PRR16: variants seen among roughly 807,000 people sequenced by gnomAD.
PRR16 encodes the protein protein Largen.
A neutral mutation model predicts 18.2 loss-of-function variants in PRR16; 6 were observed. That is an observed-to-expected ratio of 0.33 (90% CI 0.18 to 0.65). The LOEUF (loss-of-function observed/expected upper bound fraction) is 0.65. Ranked by LOEUF, PRR16 falls within the 30% of genes least tolerant of loss-of-function variation. The pLI is 0.74. For synonymous variants in PRR16, 151 were observed against 147.8 expected (o/e 1.02, Z -0.16); for missense variants, 412 against 376.6 (o/e 1.09, Z -0.78).
intron 1 of PRR16, among the ~76,000 whole-genome samples, chr5:120,669,568 C>T (rs1253088091): frequency 6.6e-6 from 1 of 151,828 alleles, no homozygotes; most frequent in East Asian, 1.9e-4. Context: ...ATCATGTGTC[C>T]TAGAGCCCAT....
chr5:120,565,943 G>A (rs974084700), intron 1 of PRR16, among the ~76,000 whole-genome samples: 1 of 152,158 alleles, frequency 6.6e-6, no homozygotes, highest in Non-Finnish European at 1.5e-5. Context: ...TTAGCTTAGT[G>A]TCACACAGAT....
chr5:120,531,871 A>G (rs1188589160), intron 1 of PRR16, among the ~76,000 whole-genome samples: 6 of 152,190 alleles, frequency 3.9e-5, no homozygotes, highest in African/African-American at 2.4e-5. Context: ...CTGCTGAGCT[A>G]TTGTATACTA....
chr5:120,615,777 C>G (rs904195471), intron 1 of PRR16, among the ~76,000 whole-genome samples: 1 of 151,760 alleles, frequency 6.6e-6, no homozygotes, highest in Admixed American at 6.6e-5. Context: ...TTCTGTCATC[C>G]ATGTGTATAT....
the PRR16 span, among the ~76,000 whole-genome samples, chr5:120,754,490 G>GTATATAGTATATATTATATAA: frequency 1.6e-5 from 1 of 63,756 alleles, no homozygotes; most frequent in African/African-American, 6.2e-5. Flanking sequence ...ATAATATATA[G>GTATATAGTATATATTATATAA]TATGTATTTT....
At chr5:120,574,305 T>G (rs1028098264) in intron 1 of PRR16, among the ~76,000 whole-genome samples, 2 of 151,968 alleles carry the variant, frequency 1.3e-5, no homozygotes, top group African/African-American at 2.4e-5. Flanking sequence ...GAATAGCCAC[T>G]TTATAAAGGA....
chr5:120,602,148 C>T (rs576559245), intron 1 of PRR16, among the ~76,000 whole-genome samples: 117 of 152,128 alleles, frequency 7.7e-4, no homozygotes, highest in African/African-American at 2.6e-3. Flanking sequence ...TGTAAATTTA[C>T]ATTGAGTAAT....
chr5:120,633,971 A>G (rs889909919), intron 1 of PRR16, among the ~76,000 whole-genome samples: 2 of 152,168 alleles, frequency 1.3e-5, no homozygotes, highest in African/African-American at 4.8e-5. Context: ...ATTCTACCCA[A>G]CAATTGCAGA....
rs1469392136 is a variant in PRR16, at chr5:120,583,419, G to C, written c.160-102535G>C. On this transcript the variant is annotated intron_variant, in intron 1 of 1. Coordinates refer to ENST00000407149, the MANE Select transcript of PRR16 (RefSeq NM_001300783.2). ...CCATCTGAGAAAGTCTAGAAAACCA[G>C]GTAGAAAACAATGAGCCACATTTTC... 2.6e-5 allele frequency among the ~76,000 whole-genome samples: 4 copies of C among 152,002 alleles called. No homozygotes were observed. In the East Asian group the frequency reaches 7.8e-4, roughly 29 times the overall value.
At chr5:120,741,641 G>A in the PRR16 span, among the ~76,000 whole-genome samples, 6 of 152,140 alleles carry the variant, frequency 3.9e-5, no homozygotes, top group East Asian at 1.9e-4. Context: ...TCGCTCTGTT[G>A]CCCAGGATGG....
At chr5:120,745,643 G>T in the PRR16 span, among the ~76,000 whole-genome samples, 1 of 148,978 alleles carries the variant, frequency 6.7e-6, no homozygotes, top group Non-Finnish European at 1.5e-5. Context: ...TGTGTTTGTT[G>T]CTTTGTTTTG....
chr5:120,590,897 G>C (rs1753612302), intron 1 of PRR16, among the ~76,000 whole-genome samples: 1 of 152,082 alleles, frequency 6.6e-6, no homozygotes, highest in Non-Finnish European at 1.5e-5. Flanking sequence ...ATAGAGTAGT[G>C]CACAATAAAC....
intron 1 of PRR16, among the ~76,000 whole-genome samples, chr5:120,552,337 T>G (rs1752279601): frequency 6.6e-6 from 1 of 151,900 alleles, no homozygotes; most frequent in Non-Finnish European, 1.5e-5. Flanking sequence ...TTTGCTGGGA[T>G]TATCATAAAT....
chr5:120,474,786 GT>G (rs1749386508), intron 1 of PRR16, among the ~76,000 whole-genome samples: 1 of 152,064 alleles, frequency 6.6e-6, no homozygotes, highest in African/African-American at 2.4e-5. Context: ...AAATATGTGT[GT>G]TTTAGGATTT....
At chr5:120,779,101 C>T in the PRR16 span, among the ~76,000 whole-genome samples, 82 of 152,160 alleles carry the variant, frequency 5.4e-4, no homozygotes, top group African/African-American at 1.9e-3. Context: ...AATATGCACA[C>T]GTTAACATTA....
At chr5:120,685,653 A>G (rs1757095697) in intron 1 of PRR16, among the ~76,000 whole-genome samples, 1 of 152,150 alleles carries the variant, frequency 6.6e-6, no homozygotes, top group African/African-American at 2.4e-5. Flanking sequence ...AAAATCAGTT[A>G]TATTCCTGCA....
At chr5:120,791,976 A>T in the PRR16 span, among the ~76,000 whole-genome samples, 2 of 152,270 alleles carry the variant, frequency 1.3e-5, no homozygotes, top group South Asian at 2.1e-4. Flanking sequence ...TCAAGCAAGG[A>T]ATCAAATTGC....
intron 1 of PRR16, among the ~76,000 whole-genome samples, chr5:120,531,133 C>G (rs1751537280): frequency 6.6e-6 from 1 of 152,140 alleles, no homozygotes; most frequent in South Asian, 2.1e-4. Flanking sequence ...AGTTTAAAAA[C>G]TCAGATTACA....
chr5:120,755,992 C>G, the PRR16 span, among the ~76,000 whole-genome samples: 3 of 152,088 alleles, frequency 2.0e-5, no homozygotes, highest in Non-Finnish European at 4.4e-5. Context: ...ACTTAGTTTA[C>G]ACCCTATGTA....
the PRR16 span, among the ~76,000 whole-genome samples, chr5:120,766,952 T>C: frequency 6.6e-6 from 1 of 151,890 alleles, no homozygotes; most frequent in Non-Finnish European, 1.5e-5. Flanking sequence ...TGAAGACAAA[T>C]ATTAGTGATT....
Sources: gnomAD v4.1 joint callset for allele counts (sites outside exome capture counted in the v4.1 genomes callset) on GRCh38, gnomAD v4.1.1 for gene constraint, MANE v1.5 for transcripts, NCBI Gene and HGNC (gene_info 2026-07-23, HGNC 2026-07-21) for gene names.